Variants in AGT observed in about 807,000 individuals in gnomAD.
AGT encodes angiotensinogen.
AGT carries 26 observed loss-of-function variants against 28.1 expected under a neutral mutation model. That is an observed-to-expected ratio of 0.92 (90% CI 0.68 to 1.28). The LOEUF is 1.28. Among genes scored for constraint, AGT ranks in the 50% most tolerant of loss-of-function variants. The pLI, the probability that AGT is intolerant of heterozygous loss-of-function variation, is 0.00. For synonymous variants in AGT, 259 were observed against 259.6 expected, an observed-to-expected ratio of 1.00 and a Z score of 0.02; for missense variants, 596 against 592.3, an observed-to-expected ratio of 1.01 and a Z score of -0.06.
At chr1:230,712,301 A>G (rs1019813301) in intron 1 of AGT, among the ~76,000 whole-genome samples, 2 of 152,096 alleles carry the variant, frequency 1.3e-5, no homozygotes, top group African/African-American at 4.8e-5. Flanking sequence ...CAGACCCGTA[A>G]CCAGCACCTG....
chr1:230,724,123 T>C (rs905545446), intron 1 of AGT, among the ~76,000 whole-genome samples: 1 of 152,224 alleles, frequency 6.6e-6, no homozygotes, highest in Non-Finnish European at 1.5e-5. Context: ...TGCTCATTAG[T>C]TTATGAATAG....
intron 1 of AGT, among the ~76,000 whole-genome samples, chr1:230,722,212 C>T (rs1334888113): frequency 1.3e-5 from 2 of 152,240 alleles, no homozygotes; most frequent in Non-Finnish European, 2.9e-5. Flanking sequence ...GCAGCTTCCA[C>T]ATGGTGTTGG....
intron 1 of AGT, among the ~76,000 whole-genome samples, chr1:230,711,585 G>C (rs1223950325): frequency 6.6e-6 from 1 of 152,074 alleles, no homozygotes; most frequent in African/African-American, 2.4e-5. Context: ...AGGGCCCTAG[G>C]GTGAGGGCTG....
intron 1 of AGT, among the ~76,000 whole-genome samples, chr1:230,726,104 C>T (rs767866560): frequency 2.6e-4 from 40 of 152,194 alleles, no homozygotes; most frequent in Non-Finnish European, 4.1e-4. Context: ...CTTGGCATCA[C>T]GGCAGCCAGA....
At chr1:230,707,383 TG>T (rs1177928180) in intron 2 of AGT, among the ~76,000 whole-genome samples, 11 of 152,198 alleles carry the variant, frequency 7.2e-5, no homozygotes, top group African/African-American at 2.7e-4. Context: ...ACGTGGCACT[TG>T]GGAGTCTGAG....
intron 1 of AGT, among the ~76,000 whole-genome samples, chr1:230,741,443 C>T (rs1271594668): frequency 6.6e-6 from 1 of 152,268 alleles, no homozygotes; most frequent in Admixed American, 6.5e-5. Flanking sequence ...CAAAGACTGG[C>T]ATCACCCTGT....
chr1:230,710,869 G>A lies in AGT; in HGVS notation c.-30-16C>T, dbSNP rs191430318. ...TCCGCATACCCTGAAATATCATTTTGCAAAGGGTGAAAGGTGGTTATTAAC... is the reference window on the plus strand; with the variant it reads ...TCCGCATACCCTGAAATATCATTTTACAAAGGGTGAAAGGTGGTTATTAAC... On this transcript the variant is annotated splice_polypyrimidine_tract_variant and intron_variant, in intron 1 of 4. Coordinates refer to ENST00000366667, the MANE Select transcript of AGT (RefSeq NM_001384479.1). 5.7e-5 allele frequency: 91 copies of A among 1,609,334 alleles called. No homozygotes were observed. In the East Asian group the frequency reaches 2.0e-3, roughly 36 times the overall value.
intron 3 of AGT, 28 bp downstream of exon 3, chr1:230,705,905 A>G (rs1042496077): frequency 1.9e-6 from 3 of 1,613,136 alleles, no homozygotes; most frequent in South Asian, 1.1e-5. Context: ...TGGCTCCCAC[A>G]TTCCAGGGGA....
chr1:230,739,982 G>A (rs549048102), intron 1 of AGT, among the ~76,000 whole-genome samples: 3 of 152,318 alleles, frequency 2.0e-5, no homozygotes, highest in African/African-American at 7.2e-5. Context: ...AGGTAGAGCA[G>A]CAGTATGGGC....
chr1:230,702,779 A>G lies in AGT; in HGVS notation c.*362T>C. The G allele has an allele frequency of 3.8e-6, 1 of 263,116 alleles. No individual in the cohort carries two copies. The highest frequency in any genetic ancestry group is 7.3e-6 in the Non-Finnish European group (1 of 136,346). The allele number at this position is 263,116 out of a possible 1,614,324, so 16.3% of individuals were successfully genotyped here. On this transcript the variant is annotated 3_prime_UTR_variant, in exon 5 of 5. Transcript: ENST00000366667. ...ATTTTAAAACCCAATTTTTGTTCTC[A>G]ACTTGAAAAGGGAACACTTTTTTGT... is the stretch of plus-strand genomic sequence containing the variant.
At chr1:230,739,382 G>A (rs1465688359) in intron 1 of AGT, among the ~76,000 whole-genome samples, 2 of 152,018 alleles carry the variant, frequency 1.3e-5, no homozygotes, top group Non-Finnish European at 2.9e-5. Context: ...TTTCCACTAT[G>A]GGGCGGGGGG....
chr1:230,727,098 T>G (rs974535329), intron 1 of AGT, among the ~76,000 whole-genome samples: 1 of 152,134 alleles, frequency 6.6e-6, no homozygotes, highest in Non-Finnish European at 1.5e-5. Context: ...TGGCAGGAAA[T>G]TAGAACCACA....
At chr1:230,706,460 C>A (rs968009623) in intron 2 of AGT, among the ~76,000 whole-genome samples, 3 of 152,194 alleles carry the variant, frequency 2.0e-5, no homozygotes, top group Non-Finnish European at 2.9e-5. Flanking sequence ...TGCCAGGCAC[C>A]AAACCGGGGG....
At chr1:230,723,239 A>C (rs1040493171) in intron 1 of AGT, among the ~76,000 whole-genome samples, 3 of 152,120 alleles carry the variant, frequency 2.0e-5, no homozygotes, top group Non-Finnish European at 4.4e-5. Context: ...AGGCCTCCCC[A>C]GCCATGCAGA....
At chr1:230,708,161 G>A (rs1663449665) in intron 2 of AGT, among the ~76,000 whole-genome samples, 1 of 152,220 alleles carries the variant, frequency 6.6e-6, no homozygotes, top group South Asian at 2.1e-4. Flanking sequence ...CAGGGTCAGG[G>A]CAGCATGCGG....
At chr1:230,733,558 C>G (rs780047717) in intron 1 of AGT, among the ~76,000 whole-genome samples, 12 of 152,162 alleles carry the variant, frequency 7.9e-5, no homozygotes, top group African/African-American at 1.2e-4. Context: ...TGACAGTTGT[C>G]TCATTTGCTA....
intron 1 of AGT, among the ~76,000 whole-genome samples, chr1:230,737,954 C>A (rs577448033): frequency 6.6e-6 from 1 of 152,106 alleles, no homozygotes; most frequent in African/African-American, 2.4e-5. Context: ...TTTCCATAGT[C>A]TGTTGTCCTT....
upstream of AGT, among the ~76,000 whole-genome samples, chr1:230,715,954 G>A (rs1663727498): frequency 1.3e-5 from 2 of 152,148 alleles, no homozygotes; most frequent in African/African-American, 4.8e-5. Context: ...GCTGGAAAGT[G>A]GTGTAAAAGA....
intron 1 of AGT, among the ~76,000 whole-genome samples, chr1:230,744,717 A>T (rs1168283473): frequency 6.6e-6 from 1 of 152,214 alleles, no homozygotes; most frequent in Non-Finnish European, 1.5e-5. Context: ...GATAAGTCCC[A>T]GGTGGAAGGA....
Sources: allele counts gnomAD v4.1 joint callset (sites outside exome capture counted in the v4.1 genomes callset), GRCh38; gene constraint gnomAD v4.1.1; transcripts MANE v1.5; gene names NCBI Gene and HGNC (gene_info 2026-07-23, HGNC 2026-07-21).